Variants in ALKBH8 observed in about 807,000 individuals in gnomAD.
ALKBH8 encodes the protein alkB homolog 8, tRNA methyltransferase.
In ALKBH8, 36 loss-of-function variants were observed where a neutral mutation model predicts 59.8. The observed-to-expected ratio is 0.60, with a 90% CI of 0.46 to 0.79. The LOEUF is 0.79. ALKBH8 is among the 30% of genes least tolerant of loss of function. ALKBH8 has a pLI of 0.00. For missense variants in ALKBH8, 768 were observed against 801.0 expected, an observed-to-expected ratio of 0.96 and a Z score of 0.50; for synonymous variants, 276 against 273.6, an observed-to-expected ratio of 1.01 and a Z score of -0.09.
chr11:107,527,829 T>A (rs951232680), intron 8 of ALKBH8, among the ~76,000 whole-genome samples: 7 of 152,054 alleles, frequency 4.6e-5, no homozygotes, highest in Admixed American at 4.6e-4. Context: ...CTTCTCATAC[T>A]GGCTAAGATA....
Position 107,556,925 on chromosome 11 carries a change from G to A in ALKBH8, c.208C>T (p.Leu70=). Residue 70 remains leucine, a synonymous_variant, in exon 3 of 12, where the codon CTG becomes TTG. Coordinates refer to ENST00000428149, the MANE Select transcript of ALKBH8 (RefSeq NM_138775.3). ...GGTGGCATTAAGAGAGCATCCACCA[G>A]TCCACATTTCTCTAAAACCGGGAGC... The part of the protein sequence containing the change: ...QLLPVLEKCG[L]VDALLMPPNK... 6.2e-7 allele frequency: 1 copy of A among 1,612,220 alleles called. No individual in the cohort carries two copies. Among genetic ancestry groups the A allele is most frequent in the Non-Finnish European group, 8.5e-7 (1 of 1,179,150 alleles).
intron 10 of ALKBH8, among the ~76,000 whole-genome samples, chr11:107,514,964 A>G (rs1309019907): frequency 6.6e-6 from 1 of 152,188 alleles, no homozygotes; most frequent in Non-Finnish European, 1.5e-5. Context: ...AGGCTCTTAT[A>G]GCTATTTGTA....
At chr11:107,554,006 C>T (rs1353123876) in intron 3 of ALKBH8, 28 bp from the exon 4 acceptor site, 1 of 1,611,446 alleles carries the variant, frequency 6.2e-7, no homozygotes. Context: ...AAAATAGTCA[C>T]ATGCAAAACT....
At chr11:107,522,594 G>A in intron 9 of ALKBH8, 39 bp from the exon 10 acceptor site, 11 of 1,513,396 alleles carry the variant, frequency 7.3e-6, no homozygotes, top group South Asian at 5.1e-5. Context: ...CTTTTTATCA[G>A]AATAACTCAT....
intron 7 of ALKBH8, among the ~76,000 whole-genome samples, chr11:107,546,211 T>C (rs1263707420): frequency 2.0e-5 from 3 of 152,212 alleles, no homozygotes; most frequent in Non-Finnish European, 2.9e-5. Flanking sequence ...AAGTTAGGTA[T>C]TGGTTTTAGG....
chr11:107,522,446 T>C lies in ALKBH8; in HGVS notation c.1140A>G (p.Glu380=), dbSNP rs777368983. 19 of 1,551,784 alleles carry C rather than the reference T, an allele frequency of 1.2e-5. No individual in the cohort carries two copies. The South Asian group carries it at 2.1e-4, about 17-fold the overall frequency. Residue 380 remains glutamate, a synonymous_variant, in exon 10 of 12, where the codon GAA becomes GAG. Transcript: ENST00000428149. ...LEQEYVHQVY[E]EIAGHFSSTR... ...TGCTGCTGAAGTGCCCAGCAATCTC[T>C]TCATAAACCTGATGGACGTACTCTT...
At chr11:107,542,057 G>A (rs1342228712) in intron 7 of ALKBH8, among the ~76,000 whole-genome samples, 1 of 151,870 alleles carries the variant, frequency 6.6e-6, no homozygotes, top group Non-Finnish European at 1.5e-5. Context: ...AGCATGGAGA[G>A]ACAAAAGATA....
intron 9 of ALKBH8, among the ~76,000 whole-genome samples, chr11:107,525,167 GT>G (rs1209985478): frequency 2.0e-5 from 3 of 152,206 alleles, no homozygotes; most frequent in East Asian, 3.9e-4. Context: ...ACTCTTAACT[GT>G]TACTTCAATA....
Position 107,522,795 on chromosome 11 carries a change from G to C in ALKBH8, c.1031-240C>G, listed in dbSNP as rs143764738. Among the ~76,000 whole-genome samples the C allele has an allele frequency of 9.0e-3, 1,364 of 151,726 alleles. 24 individuals are homozygous for C. The highest frequency in any genetic ancestry group is 0.031 in the African/African-American group (1,280 of 41,448). On this transcript the variant is annotated intron_variant, in intron 9 of 11. Transcript: ENST00000428149. ...CACTCCAGCACAGGTGACAGAGCAA[G>C]ACGGTCTTTAAAAAAAGACAAAAAA... is the stretch of plus-strand genomic sequence containing the variant.
At chr11:107,531,632 G>A (rs772783730) in intron 8 of ALKBH8, among the ~76,000 whole-genome samples, 12 of 152,208 alleles carry the variant, frequency 7.9e-5, no homozygotes, top group Non-Finnish European at 1.8e-4. Context: ...TTGTATAAGA[G>A]TATAATAAGA....
At chr11:107,565,529 G>C in intron 1 of ALKBH8, 72 bp downstream of exon 1, 1 of 1,532,650 alleles carries the variant, frequency 6.5e-7, no homozygotes, top group Non-Finnish European at 8.7e-7. Context: ...GGATAGAGAA[G>C]ACCGGAAGAG....
intron 1 of ALKBH8, among the ~76,000 whole-genome samples, chr11:107,561,293 T>C (rs1209032807): frequency 6.6e-6 from 1 of 151,820 alleles, no homozygotes; most frequent in Non-Finnish European, 1.5e-5. Context: ...CACAAAAAAT[T>C]AGCAGACTCT....
intron 8 of ALKBH8, among the ~76,000 whole-genome samples, chr11:107,531,721 T>C (rs1191915962): frequency 6.6e-6 from 1 of 152,236 alleles, no homozygotes; most frequent in Non-Finnish European, 1.5e-5. Context: ...CAACTTTTTC[T>C]GTAAGGGGCC....
At chr11:107,524,333 G>T (rs1308874521) in intron 9 of ALKBH8, among the ~76,000 whole-genome samples, 1 of 151,938 alleles carries the variant, frequency 6.6e-6, no homozygotes, top group Non-Finnish European at 1.5e-5. Flanking sequence ...CAAAGTGCTG[G>T]GATTACAGGC....
intron 7 of ALKBH8, among the ~76,000 whole-genome samples, chr11:107,538,045 G>C (rs1262024851): frequency 6.6e-6 from 1 of 151,564 alleles, no homozygotes; most frequent in East Asian, 1.9e-4. Context: ...TTTTAATGTT[G>C]TCAATCTATT....
At chr11:107,519,187 C>T (rs1380908801) in intron 10 of ALKBH8, among the ~76,000 whole-genome samples, 1 of 152,036 alleles carries the variant, frequency 6.6e-6, no homozygotes, top group Non-Finnish European at 1.5e-5. Context: ...CTCACTGCAA[C>T]CTCCGCCTCC....
intron 10 of ALKBH8, among the ~76,000 whole-genome samples, chr11:107,512,461 G>A (rs1052511074): frequency 6.6e-6 from 1 of 151,898 alleles, no homozygotes; most frequent in African/African-American, 2.4e-5. Flanking sequence ...GTACAGGTGC[G>A]TACCACCATG....
At chr11:107,525,706 A>T (rs1356574142) in intron 8 of ALKBH8, 114 bp from the exon 9 acceptor site, 2 of 698,252 alleles carry the variant, frequency 2.9e-6, no homozygotes, top group South Asian at 4.4e-5. Context: ...ACAAATATCT[A>T]TTGGATTCCC....
At chr11:107,514,196 AC>A (rs1484646144) in intron 10 of ALKBH8, among the ~76,000 whole-genome samples, 1 of 152,218 alleles carries the variant, frequency 6.6e-6, no homozygotes, top group African/African-American at 2.4e-5. Context: ...ACCAAAAAAA[AC>A]AGTATTTTTA....
Sources: allele counts gnomAD v4.1 joint callset (sites outside exome capture counted in the v4.1 genomes callset), GRCh38; gene constraint gnomAD v4.1.1; transcripts MANE v1.5; gene names NCBI Gene and HGNC (gene_info 2026-07-23, HGNC 2026-07-21).